The following SCARA5 variants were observed in gnomAD, a reference collection of about 807,000 sequenced individuals.
SCARA5 encodes the protein scavenger receptor class A member 5.
A neutral mutation model predicts 46.3 loss-of-function variants in SCARA5; 45 were observed. That is an observed-to-expected ratio of 0.97 (90% CI 0.76 to 1.24). The LOEUF is 1.24. SCARA5 is among the 50% of genes most tolerant of loss of function. The pLI is 0.00. For synonymous variants in SCARA5, 333 were observed against 306.5 expected, an observed-to-expected ratio of 1.09 and a Z score of -0.90; for missense variants, 680 against 689.0, an observed-to-expected ratio of 0.99 and a Z score of 0.15.
At chr8:27,991,452 C>T (rs981474628) in intron 1 of SCARA5, among the ~76,000 whole-genome samples, 3 of 152,154 alleles carry the variant, frequency 2.0e-5, no homozygotes, top group South Asian at 2.1e-4. Context: ...AAGGCAATCG[C>T]GAATGCACTC....
intron 7 of SCARA5, among the ~76,000 whole-genome samples, chr8:27,893,146 A>G (rs1024810534): frequency 6.6e-6 from 1 of 152,174 alleles, no homozygotes; most frequent in African/African-American, 2.4e-5. Flanking sequence ...AGCAGGAACA[A>G]AAAGGCTCAT....
chr8:27,962,228 AT>A (rs1410296963), intron 3 of SCARA5, among the ~76,000 whole-genome samples: 1 of 152,196 alleles, frequency 6.6e-6, no homozygotes, highest in Non-Finnish European at 1.5e-5. Flanking sequence ...AAATTCACAT[AT>A]CCTCATACAA....
At chr8:27,974,882 T>C (rs1306412580) in intron 2 of SCARA5, among the ~76,000 whole-genome samples, 1 of 150,988 alleles carries the variant, frequency 6.6e-6, no homozygotes, top group African/African-American at 2.4e-5. Flanking sequence ...ACTGTGATGT[T>C]GTGAAGTCTA....
chr8:27,896,115 G>A (rs980259404), intron 7 of SCARA5, among the ~76,000 whole-genome samples: 6 of 152,182 alleles, frequency 3.9e-5, no homozygotes, highest in East Asian at 1.9e-4. Context: ...GGCAGTGAGA[G>A]GTCAGAGTCA....
chr8:27,892,605 C>CTTTTTTTTTTTTTTTTTTTTTTTTTT lies in SCARA5; in HGVS notation c.1153+12172_1153+12173insAAAAAAAAAAAAAAAAAAAAAAAAAA, dbSNP rs1224026831. Among the ~76,000 whole-genome samples, 2 of 119,788 alleles carry CTTTTTTTTTTTTTTTTTTTTTTTTTT rather than the reference C, an allele frequency of 1.7e-5. 1 individual carries two copies. Among genetic ancestry groups the CTTTTTTTTTTTTTTTTTTTTTTTTTT allele is most frequent in the Non-Finnish European group, 3.7e-5 (2 of 54,228 alleles). The allele number at this position is 119,788 out of a possible 152,430, so 78.6% of individuals were successfully genotyped here. A position where few individuals can be genotyped will look rare whatever the true frequency, so the allele number is the denominator to read the frequency against. On this transcript the variant is annotated intron_variant, in intron 7 of 8. Transcript: ENST00000354914. The stretch of plus-strand genomic sequence containing the variant: ...CAGAAGTGACCTCTCCATACCTCAC[C>CTTTTTTTTTTTTTTTTTTTTTTTTTT]CTTTTTTTTTTTTTTTTTTTTTGAG...
chr8:27,975,902 G>C (rs754587188), intron 2 of SCARA5, among the ~76,000 whole-genome samples: 13 of 152,144 alleles, frequency 8.5e-5, no homozygotes, highest in Non-Finnish European at 1.8e-4. Context: ...GAGACAGCCA[G>C]GGCTAATTCC....
At chr8:27,926,589 T>TA (rs1345648505) in intron 3 of SCARA5, among the ~76,000 whole-genome samples, 3 of 152,092 alleles carry the variant, frequency 2.0e-5, no homozygotes, top group African/African-American at 7.2e-5. Flanking sequence ...TCAAGTATAA[T>TA]AAAAAATTAA....
intron 3 of SCARA5, among the ~76,000 whole-genome samples, chr8:27,950,340 G>A (rs1808104572): frequency 6.6e-6 from 1 of 152,114 alleles, no homozygotes; most frequent in Non-Finnish European, 1.5e-5. Context: ...CTTGTAAGGA[G>A]ACCCCCACCC....
At chr8:27,979,016 ACT>A (rs1239447574) in intron 2 of SCARA5, among the ~76,000 whole-genome samples, 3 of 152,042 alleles carry the variant, frequency 2.0e-5, no homozygotes, top group African/African-American at 7.2e-5. Flanking sequence ...GCACAGGGAA[ACT>A]CTAACCCTGG....
chr8:27,917,304 C>T (rs560350556), intron 4 of SCARA5, among the ~76,000 whole-genome samples: 1 of 152,220 alleles, frequency 6.6e-6, no homozygotes, highest in East Asian at 1.9e-4. Flanking sequence ...TGGAGGATCC[C>T]ACCAGAAGAA....
chr8:27,923,174 C>T (rs1274455617), intron 3 of SCARA5, among the ~76,000 whole-genome samples: 1 of 152,246 alleles, frequency 6.6e-6, no homozygotes, highest in Non-Finnish European at 1.5e-5. Flanking sequence ...GGGGCTTCCC[C>T]TCAAGTCAGC....
At chr8:27,979,638 C>T (rs1808584512) in intron 2 of SCARA5, among the ~76,000 whole-genome samples, 1 of 151,760 alleles carries the variant, frequency 6.6e-6, no homozygotes, top group South Asian at 2.1e-4. Context: ...ACTGCAACCT[C>T]TGCCTCCCAG....
intron 2 of SCARA5, among the ~76,000 whole-genome samples, chr8:27,977,692 G>C (rs918913877): frequency 9.9e-5 from 15 of 152,128 alleles, no homozygotes; most frequent in Non-Finnish European, 2.1e-4. Flanking sequence ...TGCACCTCCC[G>C]GTTAAGAGCC....
chr8:27,935,560 C>T (rs1440301358), intron 3 of SCARA5, among the ~76,000 whole-genome samples: 3 of 152,126 alleles, frequency 2.0e-5, no homozygotes, highest in Non-Finnish European at 4.4e-5. Context: ...AGCAGGGTGA[C>T]AGCACCAAAG....
At chr8:27,930,464 G>A (rs1411052322) in intron 3 of SCARA5, among the ~76,000 whole-genome samples, 12 of 151,630 alleles carry the variant, frequency 7.9e-5, no homozygotes, top group South Asian at 2.1e-4. Flanking sequence ...GTGCAATGGC[G>A]CGATCTCGGC....
intron 6 of SCARA5, among the ~76,000 whole-genome samples, chr8:27,906,155 G>C (rs1184446963): frequency 2.0e-5 from 3 of 152,198 alleles, no homozygotes; most frequent in Admixed American, 6.5e-5. Flanking sequence ...AGTGATCTAA[G>C]ATCAAGAGAT....
rs1322486058 is a variant in SCARA5 at position 27,921,813 on chromosome 8, C to T, written c.674G>A (p.Gly225Asp). The T allele has an allele frequency of 2.6e-6, 4 of 1,551,760 alleles. No homozygotes were observed. Among genetic ancestry groups the T allele is most frequent in the Non-Finnish European group, 3.5e-6 (4 of 1,154,348 alleles). The part of the protein sequence containing the change: ...ILGEELADVG[G>D]VLRGLNHSLS... ...GCTGTGGTTGAGGCCGCGCAGCACG[C>T]CGCCCACGTCGGCCAGCTCCTCGCC... is the stretch of plus-strand genomic sequence containing the variant. The change falls in exon 4 of 9, where the codon GGC (glycine) becomes GAC (aspartate). Residue 225 changes from glycine to aspartate, a missense_variant. By Grantham distance (94) the Gly-to-Asp change is moderately conservative. Around this residue, in one of 3 missense-constraint regions of SCARA5, gnomAD observed 438 missense variants for 384.5 expected, o/e 1.14. Coordinates refer to ENST00000354914, the MANE Select transcript of SCARA5 (RefSeq NM_173833.6).
chr8:27,978,255 T>C (rs1808559066), intron 2 of SCARA5, among the ~76,000 whole-genome samples: 2 of 151,094 alleles, frequency 1.3e-5, no homozygotes, highest in African/African-American at 4.9e-5. Flanking sequence ...GGTTTCGAAC[T>C]CCTGACCTCA....
intron 7 of SCARA5, among the ~76,000 whole-genome samples, chr8:27,883,141 C>A (rs1468385932): frequency 1.3e-5 from 2 of 152,178 alleles, no homozygotes; most frequent in Non-Finnish European, 2.9e-5. Context: ...CACAGCCTGG[C>A]TGGAGGAAAT....
Sources: allele counts gnomAD v4.1 joint callset (sites outside exome capture counted in the v4.1 genomes callset), GRCh38; gene constraint gnomAD v4.1.1; regional missense constraint gnomAD v4.1.1; transcripts MANE v1.5; gene names NCBI Gene and HGNC (gene_info 2026-07-23, HGNC 2026-07-21).